Variants in GRID1 observed in about 807,000 individuals in gnomAD.
The protein encoded by GRID1 is glutamate receptor ionotropic, delta-1.
GRID1 carries 28 observed loss-of-function variants against 98.0 expected under a neutral mutation model. That is an observed-to-expected ratio of 0.29 (90% CI 0.21 to 0.39). GRID1 has a LOEUF of 0.39. Among genes scored for constraint, GRID1 ranks in the 10% least tolerant of loss-of-function variants. GRID1 has a pLI of 1.00. For synonymous variants in GRID1, 553 were observed against 538.5 expected (o/e 1.03, Z -0.37); for missense variants, 1,111 against 1,340.5 (o/e 0.83, Z 2.67).
chr10:86,341,382 T>C (rs1469691217), intron 2 of GRID1, among the ~76,000 whole-genome samples: 1 of 152,144 alleles, frequency 6.6e-6, no homozygotes, highest in South Asian at 2.1e-4. Flanking sequence ...GAGGCCCTGG[T>C]GGGACCCTGG....
intron 4 of GRID1, among the ~76,000 whole-genome samples, chr10:85,919,145 G>C (rs945723253): frequency 2.6e-5 from 4 of 152,220 alleles, no homozygotes; most frequent in African/African-American, 9.6e-5. Flanking sequence ...GAGGTTCTCT[G>C]CTTGTCCTGG....
chr10:85,632,843 C>T (rs2132536698), intron 13 of GRID1, among the ~76,000 whole-genome samples: 3 of 152,312 alleles, frequency 2.0e-5, no homozygotes, highest in Admixed American at 2.0e-4. Flanking sequence ...AGGTATTAAG[C>T]CTCACATGCA....
intron 2 of GRID1, among the ~76,000 whole-genome samples, chr10:86,265,687 C>A (rs1357973562): frequency 6.6e-6 from 1 of 152,212 alleles, no homozygotes; most frequent in African/African-American, 2.4e-5. Flanking sequence ...TCTGCAAGTT[C>A]TGTTCAGGGA....
chr10:86,233,971 G>T (rs1417334148), intron 2 of GRID1, among the ~76,000 whole-genome samples: 2 of 151,292 alleles, frequency 1.3e-5, no homozygotes, highest in African/African-American at 4.9e-5. Flanking sequence ...GAGGGTGGGG[G>T]TGCTTCTCCC....
intron 4 of GRID1, among the ~76,000 whole-genome samples, chr10:85,926,841 C>T (rs1459185363): frequency 1.3e-5 from 2 of 152,130 alleles, no homozygotes; most frequent in African/African-American, 4.8e-5. Flanking sequence ...CTAAAGTTAC[C>T]AGATGAGGCA....
At chr10:85,831,299 G>A (rs1211619430) in intron 8 of GRID1, among the ~76,000 whole-genome samples, 1 of 151,970 alleles carries the variant, frequency 6.6e-6, no homozygotes, top group Admixed American at 6.6e-5. Flanking sequence ...GTGGAGGGTG[G>A]GAGGGAGAGG....
intron 3 of GRID1, among the ~76,000 whole-genome samples, chr10:86,166,946 A>G (rs185830315): frequency 6.6e-6 from 1 of 152,312 alleles, no homozygotes; most frequent in Non-Finnish European, 1.5e-5. Flanking sequence ...GCATTCAGGA[A>G]CTTACGGGCA....
At chr10:86,137,199 T>C (rs1337182167) in intron 4 of GRID1, among the ~76,000 whole-genome samples, 1 of 152,124 alleles carries the variant, frequency 6.6e-6, no homozygotes, top group Admixed American at 6.5e-5. Context: ...AGAACGAAAA[T>C]GCATGAATAT....
intron 5 of GRID1, among the ~76,000 whole-genome samples, chr10:85,869,665 A>G (rs1459763483): frequency 6.6e-6 from 1 of 152,170 alleles, no homozygotes; most frequent in East Asian, 1.9e-4. Context: ...ATATCCATTC[A>G]TTTATTCACT....
At chr10:86,344,978 A>C (rs1848361839) in intron 2 of GRID1, among the ~76,000 whole-genome samples, 1 of 152,206 alleles carries the variant, frequency 6.6e-6, no homozygotes, top group Non-Finnish European at 1.5e-5. Context: ...CCCTGCCCGG[A>C]TGGACAATCC....
chr10:85,990,191 AG>A (rs1362898709), intron 4 of GRID1, among the ~76,000 whole-genome samples: 1 of 152,260 alleles, frequency 6.6e-6, no homozygotes, highest in Non-Finnish European at 1.5e-5. Flanking sequence ...ACATTGCCTT[AG>A]AAGGAACCCA....
intron 7 of GRID1, 67 bp downstream of exon 7, chr10:85,855,962 G>T (rs1157082315): frequency 7.6e-6 from 11 of 1,443,348 alleles, no homozygotes; most frequent in Non-Finnish European, 8.7e-6. Context: ...CTACTAGAGG[G>T]GAACACAGTG....
chr10:85,728,229 T>C (rs1240208856), intron 9 of GRID1, among the ~76,000 whole-genome samples, 177 bp from the exon 10 acceptor site: 4 of 152,178 alleles, frequency 2.6e-5, no homozygotes, highest in African/African-American at 9.7e-5. Context: ...CAAGGAACAG[T>C]GCACAGGATG....
At chr10:86,140,291 C>T (rs2131973076) in intron 3 of GRID1, among the ~76,000 whole-genome samples, 1 of 152,374 alleles carries the variant, frequency 6.6e-6, no homozygotes, top group African/African-American at 2.4e-5. Context: ...GTCCCCATGC[C>T]CTGGGATGCC....
intron 4 of GRID1, among the ~76,000 whole-genome samples, chr10:86,082,460 C>T (rs1843990989): frequency 6.6e-6 from 1 of 152,150 alleles, no homozygotes; most frequent in South Asian, 2.1e-4. Flanking sequence ...GGCAAGCATG[C>T]CTCCTTGGAA....
At chr10:85,710,897 C>A (rs1280132062) in intron 12 of GRID1, among the ~76,000 whole-genome samples, 1 of 151,816 alleles carries the variant, frequency 6.6e-6, no homozygotes, top group Non-Finnish European at 1.5e-5. Context: ...CAAACCATAA[C>A]CACAATGAGA....
intron 2 of GRID1, among the ~76,000 whole-genome samples, chr10:86,251,113 T>C (rs1050402792): frequency 1.3e-5 from 2 of 152,312 alleles, no homozygotes; most frequent in South Asian, 4.1e-4. Flanking sequence ...GCGGTGCAAG[T>C]TGTGCTTTGT....
At position 85,690,660 on chromosome 10, in the gene GRID1, CA is replaced by C. The variant is rs1162617035; in HGVS notation, c.1997+32342del. Reference sequence around the variant, plus strand: ...TGATCTGTTCTTCGGGAATTGGTACCACCTTCTAGGGATCACTTTTTCCTTT... The same window carrying C: ...TGATCTGTTCTTCGGGAATTGGTACCCCTTCTAGGGATCACTTTTTCCTTT... On this transcript the variant is annotated intron_variant, in intron 12 of 15. Transcript: ENST00000327946. Among the ~76,000 whole-genome samples the C allele has an allele frequency of 5.3e-5, 8 of 152,234 alleles. No homozygotes were observed. The Middle Eastern group carries it at 0.01, about 194-fold the overall frequency.
At chr10:85,840,464 A>G (rs1338035057) in intron 8 of GRID1, among the ~76,000 whole-genome samples, 2 of 152,180 alleles carry the variant, frequency 1.3e-5, no homozygotes, top group South Asian at 2.1e-4. Flanking sequence ...TCTATTCAAC[A>G]TAGTATTAGA....
Sources: allele counts gnomAD v4.1 joint callset (sites outside exome capture counted in the v4.1 genomes callset), GRCh38; gene constraint gnomAD v4.1.1; transcripts MANE v1.5; gene names NCBI Gene and HGNC (gene_info 2026-07-23, HGNC 2026-07-21).